Variants in EVI5 observed in about 807,000 individuals in gnomAD.
EVI5 encodes the protein ecotropic viral integration site 5 protein homolog.
A neutral mutation model predicts 112.0 loss-of-function variants in EVI5; 73 were observed. The ratio of observed to expected loss-of-function variants is 0.65; its 90% CI spans 0.54 to 0.79. The LOEUF is 0.79. EVI5 is among the 30% of genes least tolerant of loss of function. The probability of loss-of-function intolerance (pLI) is 0.00; values close to 1 mark genes in which losing one functional copy is unlikely to be tolerated. For synonymous variants in EVI5, 305 were observed against 319.9 expected, an observed-to-expected ratio of 0.95 and a Z score of 0.50; for missense variants, 900 against 968.8, an observed-to-expected ratio of 0.93 and a Z score of 0.94.
At chr1:92,710,816 G>A (rs532136020) in intron 2 of EVI5, among the ~76,000 whole-genome samples, 4 of 152,312 alleles carry the variant, frequency 2.6e-5, no homozygotes, top group Admixed American at 2.6e-4. Flanking sequence ...GAGTCTAGGA[G>A]TGGTTGCTTC....
At chr1:92,602,588 G>A (rs1296285247) in intron 18 of EVI5, among the ~76,000 whole-genome samples, 2 of 152,138 alleles carry the variant, frequency 1.3e-5, no homozygotes, top group Middle Eastern at 3.4e-3. Context: ...AAATTGTTTT[G>A]TAGAGACAGG....
chr1:92,656,811 AG>A (rs1304946132), intron 13 of EVI5, among the ~76,000 whole-genome samples: 1 of 152,158 alleles, frequency 6.6e-6, no homozygotes, highest in East Asian at 1.9e-4. Flanking sequence ...GGAAGAATAA[AG>A]CTTTCTAAGG....
intron 18 of EVI5, among the ~76,000 whole-genome samples, chr1:92,586,477 CA>C (rs1459711545): frequency 6.6e-6 from 1 of 151,568 alleles, no homozygotes; most frequent in African/African-American, 2.4e-5. Flanking sequence ...TTGTGTATTT[CA>C]AGTATGTAAT....
upstream of EVI5, among the ~76,000 whole-genome samples, chr1:92,786,061 A>G (rs1347625209): frequency 6.6e-6 from 1 of 150,756 alleles, no homozygotes; most frequent in Non-Finnish European, 1.5e-5. Flanking sequence ...ACTGCACTCC[A>G]GCCTGGGCGA....
At chr1:92,568,359 G>T (rs1162788001) in intron 18 of EVI5, among the ~76,000 whole-genome samples, 1 of 115,232 alleles carries the variant, frequency 8.7e-6, no homozygotes, top group African/African-American at 3.5e-5. Flanking sequence ...CTGGGAGACA[G>T]CAAAAACCTA....
rs756482645 is a variant in EVI5 at position 92,693,874 on chromosome 1, T to C, written c.1025A>G (p.Gln342Arg). ...LQHFQKVIPH[Q>R]FDGVPDKLIQ... ...TAGCTTGTCTGGGACACCATCAAAC[T>C]GATGTGGAATGACCTTTTGAAAGTG... Residue 342 changes from glutamine (Q) to arginine (R), a missense_variant, in exon 9 of 20, where the codon CAG becomes CGG. Coordinates refer to ENST00000684568, the MANE Select transcript of EVI5 (RefSeq NM_001350197.2). 4 of 1,600,076 alleles carry C rather than the reference T, an allele frequency of 2.5e-6. No homozygotes were observed. The South Asian group carries it at 4.4e-5, about 18-fold the overall frequency.
intron 19 of EVI5, among the ~76,000 whole-genome samples, chr1:92,559,298 G>C (rs1487581770): frequency 6.6e-6 from 1 of 152,066 alleles, no homozygotes; most frequent in African/African-American, 2.4e-5. Flanking sequence ...GGATACAGAG[G>C]ACCAATTGCA....
At chr1:92,685,427 C>T (rs897243942) in intron 9 of EVI5, among the ~76,000 whole-genome samples, 5 of 152,246 alleles carry the variant, frequency 3.3e-5, no homozygotes, top group Admixed American at 2.6e-4. Flanking sequence ...ATTTATAGCA[C>T]TAAATGCCCA....
intron 16 of EVI5, among the ~76,000 whole-genome samples, chr1:92,611,024 C>A (rs1651654644): frequency 6.6e-6 from 1 of 151,410 alleles, no homozygotes; most frequent in Non-Finnish European, 1.5e-5. Flanking sequence ...GTGCAGCGCA[C>A]CAGCATGGCA....
chr1:92,557,158 T>A (rs962376354), intron 19 of EVI5, among the ~76,000 whole-genome samples: 2 of 152,170 alleles, frequency 1.3e-5, no homozygotes, highest in African/African-American at 4.8e-5. Flanking sequence ...TAGAAACCAA[T>A]ACAATGATTA....
chr1:92,666,528 G>A lies in EVI5; in HGVS notation c.1159-536C>T, dbSNP rs545371350. ...AGGTGGGGGTGGTGGAAGTTGTAGT[G>A]AGCCGAGATTGGACCACTGTACTCC... On this transcript the variant is annotated intron_variant, in intron 10 of 19. Transcript: ENST00000684568. 3.6e-5 allele frequency among the ~76,000 whole-genome samples: 5 copies of A among 140,272 alleles called. No individual in the cohort carries two copies. In the Admixed American group the frequency reaches 3.6e-4, roughly 10 times the overall value. The allele number at this position is 140,272 out of a possible 152,430, so 92.0% of individuals were successfully genotyped here. A position where few individuals can be genotyped will look rare whatever the true frequency, so the allele number is the denominator to read the frequency against.
At chr1:92,523,889 C>T (rs1661388862) in intron 19 of EVI5, among the ~76,000 whole-genome samples, 1 of 151,912 alleles carries the variant, frequency 6.6e-6, no homozygotes, top group African/African-American at 2.4e-5. Flanking sequence ...AGTTCGAGAC[C>T]AGCCTGGCCA....
At chr1:92,730,431 A>G (rs2102764172) in intron 2 of EVI5, among the ~76,000 whole-genome samples, 1 of 152,284 alleles carries the variant, frequency 6.6e-6, no homozygotes, top group South Asian at 2.1e-4. Flanking sequence ...CACGCCTGTA[A>G]TCCCAGCACT....
Position 92,543,476 on chromosome 1 carries a change from T to C in EVI5, c.2166+20166A>G, listed in dbSNP as rs372857164. Among the ~76,000 whole-genome samples the C allele has an allele frequency of 1.4e-4, 21 of 152,346 alleles. No homozygotes were observed. The East Asian group carries it at 2.7e-3, about 20-fold the overall frequency. On this transcript the variant is annotated intron_variant, in intron 19 of 19. Coordinates refer to ENST00000684568, the MANE Select transcript of EVI5 (RefSeq NM_001350197.2). Reference sequence around the variant, plus strand: ...TCTTCTATCCAGATCACTCAAACTTTCTCCATATCAGCAATGAGGCTGCTT... The same window carrying C: ...TCTTCTATCCAGATCACTCAAACTTCCTCCATATCAGCAATGAGGCTGCTT...
At chr1:92,592,757 A>G (rs774116931) in intron 18 of EVI5, among the ~76,000 whole-genome samples, 2 of 152,108 alleles carry the variant, frequency 1.3e-5, no homozygotes, top group Non-Finnish European at 2.9e-5. Context: ...GATCCCACAT[A>G]CATACAAACT....
intron 18 of EVI5, among the ~76,000 whole-genome samples, chr1:92,592,355 A>G (rs1018618718): frequency 1.3e-5 from 2 of 152,252 alleles, no homozygotes; most frequent in Admixed American, 1.3e-4. Context: ...AGAAATAAAG[A>G]TGTTCTTTGA....
In EVI5 at chr1:92,625,950, A is replaced by C; in HGVS notation, c.1528-16T>G. ...AGTTATTCCTCTAAAGAAGAAGAAA[A>C]TTTAATTTGGGATTTTTAAATTTAA... On this transcript the variant is annotated splice_polypyrimidine_tract_variant and intron_variant, in intron 14 of 19. Coordinates refer to ENST00000684568, the MANE Select transcript of EVI5 (RefSeq NM_001350197.2). 1 of 1,557,770 alleles carries C rather than the reference A, an allele frequency of 6.4e-7. No individual in the cohort carries two copies.
intron 1 of EVI5, among the ~76,000 whole-genome samples, chr1:92,742,169 C>T (rs143986028): frequency 6.6e-6 from 1 of 151,862 alleles, no homozygotes; most frequent in Non-Finnish European, 1.5e-5. Context: ...CAGACATTTC[C>T]CCAAAGAAGA....
intron 2 of EVI5, chr1:92,732,282 C>A: frequency 5.4e-6 from 2 of 373,374 alleles, no homozygotes; most frequent in South Asian, 2.5e-5. Flanking sequence ...CATCATCAGT[C>A]AGATCACAAG....
Sources: gnomAD v4.1 joint callset for allele counts (sites outside exome capture counted in the v4.1 genomes callset) on GRCh38, gnomAD v4.1.1 for gene constraint, MANE v1.5 for transcripts, NCBI Gene and HGNC (gene_info 2026-07-23, HGNC 2026-07-21) for gene names.